The following SLC6A6 variants were observed in gnomAD, a reference collection of about 807,000 sequenced individuals.
SLC6A6 encodes the protein sodium- and chloride-dependent taurine transporter.
A neutral mutation model predicts 68.8 loss-of-function variants in SLC6A6; 16 were observed. The observed-to-expected ratio is 0.23, with a 90% confidence interval of 0.16 to 0.35. The LOEUF is 0.35. Among genes scored for constraint, SLC6A6 ranks in the 10% least tolerant of loss-of-function variants. The pLI, the probability that SLC6A6 is intolerant of heterozygous loss-of-function variation, is 1.00. For synonymous variants in SLC6A6, 312 were observed against 315.4 expected, an observed-to-expected ratio of 0.99 and a Z score of 0.12; for missense variants, 474 against 802.8, an observed-to-expected ratio of 0.59 and a Z score of 4.95.
At chr3:14,426,166 G>T (rs1283825421) in intron 2 of SLC6A6, among the ~76,000 whole-genome samples, 5 of 152,294 alleles carry the variant, frequency 3.3e-5, no homozygotes, top group East Asian at 1.9e-4. Context: ...GTCAGGTTGA[G>T]GGGGAGAGAC....
Position 14,484,873 on chromosome 3 carries a change from A to C in SLC6A6, c.1729A>C (p.Lys577Gln), listed in dbSNP as rs1222744743. The change falls in exon 15 of 15, where the codon AAG becomes CAG. Residue 577 changes from lysine (K) to glutamine (Q), a missense_variant. By Grantham distance (53) the Lys-to-Gln change is moderately conservative. Around this residue, in one of 2 missense-constraint regions of SLC6A6, gnomAD observed 194 missense variants for 269.8 expected, o/e 0.72. Coordinates refer to ENST00000622186, the MANE Select transcript of SLC6A6 (RefSeq NM_003043.6). ...QTEGPFLVRV[K>Q]YLLTPREPNR... is the part of the protein sequence containing the mutation. ...TCCTGTCATCCTTCTCCAGAGAGTC[A>C]AGTACCTGCTGACCCCAAGGGAACC... 1 of 1,611,888 alleles carries C rather than the reference A, an allele frequency of 6.2e-7. No individual in the cohort carries two copies. Among genetic ancestry groups the C allele is most frequent in the Admixed American group, 1.7e-5 (1 of 60,016 alleles).
At chr3:14,432,302 T>C (rs930412646) in intron 2 of SLC6A6, among the ~76,000 whole-genome samples, 3 of 152,210 alleles carry the variant, frequency 2.0e-5, no homozygotes, top group Non-Finnish European at 1.5e-5. Flanking sequence ...CTGCAGAGCC[T>C]GTTTCAGGCT....
intron 2 of SLC6A6, among the ~76,000 whole-genome samples, chr3:14,438,495 C>G (rs1699910855): frequency 6.6e-6 from 1 of 152,150 alleles, no homozygotes; most frequent in Non-Finnish European, 1.5e-5. Flanking sequence ...TCCAGCCAGG[C>G]ACTTGATTCC....
chr3:14,447,359 TC>T (rs1700149446), intron 4 of SLC6A6, among the ~76,000 whole-genome samples: 1 of 152,188 alleles, frequency 6.6e-6, no homozygotes, highest in South Asian at 2.1e-4. Context: ...CATTGTTCTA[TC>T]CCCCCTGCCC....
chr3:14,411,495 G>A (rs1699251587), intron 1 of SLC6A6, among the ~76,000 whole-genome samples: 1 of 152,208 alleles, frequency 6.6e-6, no homozygotes, highest in African/African-American at 2.4e-5. Context: ...GAGTTAAAGT[G>A]GACTTCAGCT....
At position 14,468,191 on chromosome 3, in the gene SLC6A6, A is replaced by C; in HGVS notation, c.1075A>C (p.Ile359Leu). Residue 359 changes from isoleucine (I) to leucine (L), a missense_variant, in exon 9 of 15, where the codon ATT becomes CTT. Ile to Leu is a conservative substitution (Grantham distance 5). This residue lies in a region of SLC6A6 where 280 missense variants were observed against 533.1 expected (regional missense o/e 0.53). Coordinates refer to ENST00000622186, the MANE Select transcript of SLC6A6 (RefSeq NM_003043.6). The surrounding 1 kb of genome is among the most constrained non-coding windows in gnomAD (Gnocchi z 4.5). Reference sequence around the variant, plus strand: ...CATGGCACAAGAGCAAGGGGTGGACATTGCTGATGTGGCTGAGTCAGGTAC... The same window carrying C: ...CATGGCACAAGAGCAAGGGGTGGACCTTGCTGATGTGGCTGAGTCAGGTAC... ...GFMAQEQGVD[I>L]ADVAESGPGL... 6.2e-7 allele frequency: 1 copy of C among 1,613,752 alleles called. No homozygotes were observed. Among genetic ancestry groups the C allele is most frequent in the Non-Finnish European group, 8.5e-7 (1 of 1,179,898 alleles).
In SLC6A6 at chr3:14,436,367, AT is replaced by A. The variant is rs370754383; in HGVS notation, c.-11-7248del. On this transcript the variant is annotated intron_variant, in intron 2 of 14. Coordinates refer to ENST00000622186, the MANE Select transcript of SLC6A6 (RefSeq NM_003043.6). ...AGGCGCACGTGACCACACCTGGCTA[AT>A]TTTTTTTTAACTTTTTGTACAGACA... Among the ~76,000 whole-genome samples the A allele has an allele frequency of 4.2e-3, 631 of 150,674 alleles. 4 individuals are homozygous for A. The highest frequency in any genetic ancestry group is 6.8e-3 in the Non-Finnish European group (457 of 67,586).
intron 2 of SLC6A6, among the ~76,000 whole-genome samples, chr3:14,417,715 C>G (rs950063205): frequency 2.1e-5 from 3 of 145,058 alleles, no homozygotes; most frequent in Non-Finnish European, 4.5e-5. Flanking sequence ...CTGGGCGACG[C>G]AGCGAGACTC....
intron 2 of SLC6A6, among the ~76,000 whole-genome samples, chr3:14,427,409 G>A (rs1389503612): frequency 6.6e-6 from 1 of 152,214 alleles, no homozygotes. Flanking sequence ...TGCTGCCCAC[G>A]GTTGCAGAGC....
Position 14,489,349 on chromosome 3 carries a change from A to G in SLC6A6, c.*4342A>G, listed in dbSNP as rs1412355883. 6.6e-6 allele frequency: 1 copy of G among 152,552 alleles called. No homozygotes were observed. Among genetic ancestry groups the G allele is most frequent in the Non-Finnish European group, 1.5e-5 (1 of 68,010 alleles). The allele number at this position is 152,552 out of a possible 1,614,324, so 9.4% of individuals were successfully genotyped here. ...ATAAACATTTCCTTTTTAACATCCA[A>G]CATGTGTGGGTTGTGTTCTGGTGAG... On this transcript the variant is annotated 3_prime_UTR_variant, in exon 15 of 15. Coordinates refer to ENST00000622186, the MANE Select transcript of SLC6A6 (RefSeq NM_003043.6).
chr3:14,486,650 C>T lies in SLC6A6; in HGVS notation c.*1643C>T, dbSNP rs1162497720. 1 of 152,690 alleles carries T rather than the reference C, an allele frequency of 6.5e-6. No individual in the cohort carries two copies. The allele number at this position is 152,690 out of a possible 1,614,324, so 9.5% of individuals were successfully genotyped here. A position where few individuals can be genotyped will look rare whatever the true frequency, so the allele number is the denominator to read the frequency against. On this transcript the variant is annotated 3_prime_UTR_variant, in exon 15 of 15. Coordinates refer to ENST00000622186, the MANE Select transcript of SLC6A6 (RefSeq NM_003043.6). ...TGCCATTTGAACAGTCACTTCCAAGCTCAGTCTAAATGAAACCGAAACGTG... is the reference window on the plus strand; with the variant it reads ...TGCCATTTGAACAGTCACTTCCAAGTTCAGTCTAAATGAAACCGAAACGTG...
intron 2 of SLC6A6, among the ~76,000 whole-genome samples, chr3:14,438,716 TGGGAGAA>T (rs1053948941): frequency 6.6e-6 from 1 of 152,176 alleles, no homozygotes; most frequent in Non-Finnish European, 1.5e-5. Flanking sequence ...CAGTTTGGGA[TGGGAGAA>T]GCAGGCAAAA....
rs2124956439 is a variant in SLC6A6, at chr3:14,450,589, C to T, written c.599+2773C>T. On this transcript the variant is annotated intron_variant, in intron 5 of 14. Transcript: ENST00000622186. This position sits in a 1 kb window ranked among gnomAD's most constrained non-coding sequence, Gnocchi z 4.1. ...TGAACATTCACAAATAAGCTGCCCT[C>T]TTTCTAGAACCCTGGGGAAGATTGA... Among the ~76,000 whole-genome samples the T allele has an allele frequency of 6.6e-6, 1 of 152,326 alleles. No individual in the cohort carries two copies.
intron 1 of SLC6A6, among the ~76,000 whole-genome samples, chr3:14,410,496 G>A (rs1699227487): frequency 6.6e-6 from 1 of 152,208 alleles, no homozygotes; most frequent in Admixed American, 6.5e-5. Context: ...GGAGCGTGGT[G>A]AGCAGCTCTG....
chr3:14,475,381 C>A (rs1019563295), intron 10 of SLC6A6, among the ~76,000 whole-genome samples: 3 of 152,026 alleles, frequency 2.0e-5, no homozygotes, highest in Non-Finnish European at 2.9e-5. Context: ...GAGTTGGAAC[C>A]CACTCCTCCT....
At chr3:14,438,996 G>A (rs1699922908) in intron 2 of SLC6A6, among the ~76,000 whole-genome samples, 1 of 152,232 alleles carries the variant, frequency 6.6e-6, no homozygotes, top group African/African-American at 2.4e-5. Context: ...GGTGGTAGAT[G>A]CTGGGGGAGG....
At chr3:14,429,597 A>T (rs1699677849) in intron 2 of SLC6A6, among the ~76,000 whole-genome samples, 1 of 152,192 alleles carries the variant, frequency 6.6e-6, no homozygotes, top group Non-Finnish European at 1.5e-5. Flanking sequence ...CTCCCAGTTC[A>T]TTATTAGCAC....
chr3:14,414,316 C>T (rs1006758417), intron 1 of SLC6A6, among the ~76,000 whole-genome samples: 1 of 152,118 alleles, frequency 6.6e-6, no homozygotes, highest in African/African-American at 2.4e-5. Context: ...GGTCAAGTGC[C>T]TATCTTTGAG....
At position 14,443,976 on chromosome 3, in the gene SLC6A6, C is replaced by T. The variant is rs36107877; in HGVS notation, c.229+113C>T. 1,608 of 709,310 alleles carry T rather than the reference C, an allele frequency of 2.3e-3. 13 individuals carry two copies. The African/African-American group carries it at 0.024, about 11-fold the overall frequency. 43.9% of individuals were successfully genotyped at this position (709,310 alleles called of 1,614,324 possible). A position where few individuals can be genotyped will look rare whatever the true frequency, so the allele number is the denominator to read the frequency against. ...CTTTCCCTGCTTTCCCTGGCCCCCC[C>T]CCTTGACCTCCATGAGGTCAGCCTG... On this transcript the variant is annotated intron_variant, in intron 3 of 14. Coordinates refer to ENST00000622186, the MANE Select transcript of SLC6A6 (RefSeq NM_003043.6).
Sources: gnomAD v4.1 joint callset for allele counts (sites outside exome capture counted in the v4.1 genomes callset) on GRCh38, gnomAD v4.1.1 for gene constraint, gnomAD v4.1.1 regional missense constraint, Gnocchi (gnomAD v3.1) non-coding constraint, MANE v1.5 for transcripts, NCBI Gene and HGNC (gene_info 2026-07-23, HGNC 2026-07-21) for gene names.